Variants in ARFGEF1 observed in about 807,000 individuals in gnomAD.
ARFGEF1 encodes ARF guanine nucleotide exchange factor 1, also known as brefeldin A-inhibited guanine nucleotide-exchange protein 1.
In ARFGEF1, 42 loss-of-function variants were observed where a neutral mutation model predicts 231.0. The ratio of observed to expected loss-of-function variants is 0.18; its 90% CI spans 0.14 to 0.24. ARFGEF1 has a LOEUF of 0.24. Among genes scored for constraint, ARFGEF1 ranks in the 10% least tolerant of loss-of-function variants. The pLI, the probability that ARFGEF1 is intolerant of heterozygous loss-of-function variation, is 1.00. For missense variants in ARFGEF1, 1,345 were observed against 2,192.0 expected, an observed-to-expected ratio of 0.61 and a Z score of 7.72; for synonymous variants, 710 against 732.3, an observed-to-expected ratio of 0.97 and a Z score of 0.49.
intron 1 of ARFGEF1, among the ~76,000 whole-genome samples, chr8:67,311,493 GC>G (rs1807054179): frequency 1.4e-5 from 2 of 138,510 alleles, no homozygotes; most frequent in South Asian, 2.4e-4. Context: ...CTGGCCAGCC[GC>G]CCCGTCCGGG....
chr8:67,289,706 C>A (rs532929722), intron 6 of ARFGEF1, among the ~76,000 whole-genome samples: 15 of 151,904 alleles, frequency 9.9e-5, no homozygotes, highest in Middle Eastern at 3.4e-3. Flanking sequence ...CAAGAGAAAA[C>A]CAGATAAATA....
In ARFGEF1 at chr8:67,299,090, A is replaced by G. The variant is rs1806365352; in HGVS notation, c.459+119T>C. 3.9e-6 allele frequency: 4 copies of G among 1,017,834 alleles called. No individual in the cohort carries two copies. The African/African-American group carries it at 5.0e-5, about 13-fold the overall frequency. The allele number at this position is 1,017,834 out of a possible 1,614,324, so 63.1% of individuals were successfully genotyped here. On this transcript the variant is annotated intron_variant, in intron 4 of 38. Transcript: ENST00000262215. ...TGAGCCACTGAGCCCGGCCTCGAATAACCTGTATTATAGCTGGAATGCACA... is the reference window on the plus strand; with the variant it reads ...TGAGCCACTGAGCCCGGCCTCGAATGACCTGTATTATAGCTGGAATGCACA...
intron 5 of ARFGEF1, among the ~76,000 whole-genome samples, chr8:67,188,627 T>TA (rs1484701697): frequency 6.6e-6 from 1 of 152,224 alleles, no homozygotes; most frequent in Admixed American, 6.5e-5. Context: ...CCATGTTTGT[T>TA]ACGGCTCGAG....
At chr8:67,211,793 T>C (rs1247325927) in intron 33 of ARFGEF1, among the ~76,000 whole-genome samples, 178 bp from the exon 34 acceptor site, 1 of 152,208 alleles carries the variant, frequency 6.6e-6, no homozygotes, top group Non-Finnish European at 1.5e-5. Context: ...AGAGAAAAGT[T>C]GACTTTCTGA....
At chr8:67,313,948 T>G (rs1377811084) in intron 1 of ARFGEF1, among the ~76,000 whole-genome samples, 2 of 152,076 alleles carry the variant, frequency 1.3e-5, no homozygotes, top group African/African-American at 2.4e-5. Flanking sequence ...CTGTGGCTGC[T>G]GTGGGGGACA....
intron 18 of ARFGEF1, among the ~76,000 whole-genome samples, chr8:67,252,931 A>G (rs1392054415): frequency 6.6e-6 from 1 of 152,204 alleles, no homozygotes; most frequent in Non-Finnish European, 1.5e-5. Flanking sequence ...GAAGATGATG[A>G]GGAAGAAGAA....
Position 67,226,182 on chromosome 8 carries a change from G to A in ARFGEF1, c.3918C>T (p.Thr1306=). The part of the protein sequence containing the change: ...LAFQTTGHIV[T]LVFEKHFPAT... ...CTGGAAAGTGTTTTTCAAATACAAG[G>A]GCTAAAATAGAGAAAAATATATATT... is the stretch of plus-strand genomic sequence containing the variant. The change falls in exon 28 of 39, where the codon ACC becomes ACT. Residue 1306 remains threonine, a splice_region_variant and synonymous_variant. Transcript: ENST00000262215. 6.3e-7 allele frequency: 1 copy of A among 1,580,034 alleles called. No homozygotes were observed. The highest frequency in any genetic ancestry group is 8.6e-7 in the Non-Finnish European group (1 of 1,166,196).
At position 67,236,364 on chromosome 8, in the gene ARFGEF1, AAATATATATATATATAT is replaced by A. The variant is rs1198568794; in HGVS notation, c.3289+1962_3289+1978del. ...AGATATTAGTTAAAAAAAAAAAAAA[AAATATATATATATATAT>A]ATATATATATATATATATATATATA... On this transcript the variant is annotated intron_variant, in intron 22 of 38. Coordinates refer to ENST00000262215, the MANE Select transcript of ARFGEF1 (RefSeq NM_006421.5). 3.4e-3 allele frequency among the ~76,000 whole-genome samples: 126 copies of A among 36,732 alleles called. 1 individual carries two copies. Among genetic ancestry groups the A allele is most frequent in the African/African-American group, 0.016 (111 of 7,160 alleles). The allele number at this position is 36,732 out of a possible 152,430, so 24.1% of individuals were successfully genotyped here. A position where few individuals can be genotyped will look rare whatever the true frequency, so the allele number is the denominator to read the frequency against.
intron 19 of ARFGEF1, among the ~76,000 whole-genome samples, chr8:67,249,764 G>T (rs1039674570): frequency 6.6e-6 from 1 of 152,138 alleles, no homozygotes; most frequent in Non-Finnish European, 1.5e-5. Context: ...TGGGACTACA[G>T]GTGCATGCCA....
Position 67,223,210 on chromosome 8 carries a change from C to T in ARFGEF1, c.4208+1693G>A, listed in dbSNP as rs549166734. On this transcript the variant is annotated intron_variant, in intron 29 of 38. Coordinates refer to ENST00000262215, the MANE Select transcript of ARFGEF1 (RefSeq NM_006421.5). ...GTGTTATACCAATTATAGTGCTGCA[C>T]TATTTGTTGTTGTTAAAGACAGAGA... 2.0e-5 allele frequency among the ~76,000 whole-genome samples: 3 copies of T among 152,232 alleles called. No homozygotes were observed. In the East Asian group the frequency reaches 5.8e-4, roughly 29 times the overall value.
rs1011893811 is a variant in ARFGEF1, at chr8:67,296,342, C to T, written c.639+89G>A. 2.5e-6 allele frequency: 3 copies of T among 1,180,094 alleles called. No homozygotes were observed. The African/African-American group carries it at 4.6e-5, about 18-fold the overall frequency. The allele number at this position is 1,180,094 out of a possible 1,614,324, so 73.1% of individuals were successfully genotyped here. A position where few individuals can be genotyped will look rare whatever the true frequency, so the allele number is the denominator to read the frequency against. On this transcript the variant is annotated intron_variant, in intron 5 of 38. Coordinates refer to ENST00000262215, the MANE Select transcript of ARFGEF1 (RefSeq NM_006421.5). ...TAAAAGACATTCTTTTCTACAGGTACAAAGATTTCACTCTAATTACTGTAA... is the reference window on the plus strand; with the variant it reads ...TAAAAGACATTCTTTTCTACAGGTATAAAGATTTCACTCTAATTACTGTAA...
At chr8:67,327,829 T>G (rs1807907933) in intron 1 of ARFGEF1, among the ~76,000 whole-genome samples, 1 of 152,252 alleles carries the variant, frequency 6.6e-6, no homozygotes, top group African/African-American at 2.4e-5. Flanking sequence ...GTAAGTATAT[T>G]TCAAGCACAT....
chr8:67,230,951 TTC>T (rs1178645767), intron 23 of ARFGEF1, among the ~76,000 whole-genome samples: 1 of 152,130 alleles, frequency 6.6e-6, no homozygotes. Context: ...TCTTATTCTC[TTC>T]TCTGTTGGTT....
chr8:67,260,145 T>C (rs569387815), intron 14 of ARFGEF1, among the ~76,000 whole-genome samples: 2 of 152,352 alleles, frequency 1.3e-5, no homozygotes, highest in Admixed American at 1.3e-4. Context: ...TTTATTACTA[T>C]CATTTCACTG....
intron 1 of ARFGEF1, among the ~76,000 whole-genome samples, chr8:67,332,074 C>G (rs1256139549): frequency 6.6e-6 from 1 of 151,816 alleles, no homozygotes. Context: ...AAATGACACA[C>G]TGTTAAAATG....
In ARFGEF1 at chr8:67,203,140, T is replaced by A. The variant is rs776749836; in HGVS notation, c.5071A>T (p.Arg1691Ter). Residue 1691 changes from arginine (R) to a stop codon, truncating the protein, a stop_gained, in exon 36 of 39, where the codon AGA (arginine) becomes TGA (stop). Transcript: ENST00000262215. LOFTEE classifies it high-confidence loss of function. Reference sequence around the variant, plus strand: ...TTGGAATTAAACGCTTTTGCAAATCTATGTGACTCTAATAAGCAGTCCAGT... The same window carrying A: ...TTGGAATTAAACGCTTTTGCAAATCAATGTGACTCTAATAAGCAGTCCAGT... ...KLLDCLLESH[R>*]FAKAFNSNNE... 6.2e-7 allele frequency: 1 copy of A among 1,614,190 alleles called. No individual in the cohort carries two copies.
rs146786541 is a variant in ARFGEF1, at chr8:67,259,711, TC to T, written c.2235+103del. The stretch of plus-strand genomic sequence containing the variant: ...AGGAGGATTGCCTGAGCCCAGGAGT[TC>T]AAAACTAGCCTGGGCAATATAGCGA... On this transcript the variant is annotated intron_variant, in intron 15 of 38. Transcript: ENST00000262215. 4 of 731,602 alleles carry T rather than the reference TC, an allele frequency of 5.5e-6. No homozygotes were observed. The East Asian group carries it at 1.2e-4, about 21-fold the overall frequency. The allele number at this position is 731,602 out of a possible 1,614,324, so 45.3% of individuals were successfully genotyped here. A position where few individuals can be genotyped will look rare whatever the true frequency, so the allele number is the denominator to read the frequency against.
downstream of ARFGEF1, chr8:67,193,641 T>G (rs1415420698): frequency 1.3e-6 from 2 of 1,565,412 alleles, no homozygotes; most frequent in Non-Finnish European, 1.7e-6. Flanking sequence ...TAGAATCCTG[T>G]ATGAACTTTT....
intron 5 of ARFGEF1, among the ~76,000 whole-genome samples, chr8:67,294,746 G>A (rs574615289): frequency 1.3e-5 from 2 of 152,248 alleles, no homozygotes; most frequent in East Asian, 1.9e-4. Context: ...TAGGAATTGA[G>A]TGGGACGGAA....
Sources: gnomAD v4.1 joint callset for allele counts (sites outside exome capture counted in the v4.1 genomes callset) on GRCh38, gnomAD v4.1.1 for gene constraint, MANE v1.5 for transcripts, NCBI Gene and HGNC (gene_info 2026-07-23, HGNC 2026-07-21) for gene names.